Variants in CDH13 observed in about 807,000 individuals in gnomAD.
CDH13 encodes cadherin 13, also known as cadherin-13.
CDH13 carries 24 observed loss-of-function variants against 63.8 expected under a neutral mutation model. The ratio of observed to expected loss-of-function variants is 0.38; its 90% confidence interval spans 0.27 to 0.53. CDH13 has a LOEUF of 0.53. Among genes scored for constraint, CDH13 ranks in the 20% least tolerant of loss-of-function variants. The pLI is 0.85. For synonymous variants in CDH13, 503 were observed against 355.3 expected (o/e 1.42, Z -4.67); for missense variants, 1,049 against 903.1 (o/e 1.16, Z -2.07).
chr16:83,600,080 T>C (rs941390948), intron 7 of CDH13, among the ~76,000 whole-genome samples: 9 of 152,138 alleles, frequency 5.9e-5, no homozygotes, highest in African/African-American at 2.2e-4. Flanking sequence ...CAAGCATCTA[T>C]ACCGAGAGAT....
intron 11 of CDH13, among the ~76,000 whole-genome samples, chr16:83,751,994 C>T (rs973280646): frequency 6.6e-6 from 1 of 152,190 alleles, no homozygotes; most frequent in South Asian, 2.1e-4. Context: ...AACAGAAAAG[C>T]TTTCCAAAAG....
At chr16:83,767,086 C>T (rs1157706425) in intron 11 of CDH13, among the ~76,000 whole-genome samples, 2 of 152,198 alleles carry the variant, frequency 1.3e-5, no homozygotes, top group African/African-American at 2.4e-5. Flanking sequence ...CATATACCAT[C>T]TCACTGTGGC....
chr16:83,141,497 TTTTG>T (rs768886071), intron 4 of CDH13, among the ~76,000 whole-genome samples: 21 of 152,306 alleles, frequency 1.4e-4, no homozygotes, highest in East Asian at 3.9e-4. Context: ...GAGGTTGATT[TTTTG>T]TTTGTTTGTT....
chr16:82,850,155 A>G (rs569933731), intron 1 of CDH13, among the ~76,000 whole-genome samples: 1 of 152,348 alleles, frequency 6.6e-6, no homozygotes, highest in South Asian at 2.1e-4. Context: ...ATGGATCAGG[A>G]CAAAATGAGT....
At chr16:83,249,820 C>T (rs547765733) in intron 5 of CDH13, among the ~76,000 whole-genome samples, 18 of 152,210 alleles carry the variant, frequency 1.2e-4, no homozygotes, top group Non-Finnish European at 1.8e-4. Flanking sequence ...GTTGGTGTTA[C>T]AGATCATTTA....
chr16:83,114,814 C>T (rs1052772118), intron 3 of CDH13, among the ~76,000 whole-genome samples: 4 of 152,168 alleles, frequency 2.6e-5, no homozygotes, highest in African/African-American at 9.7e-5. Context: ...CCAGGTACTT[C>T]AAAGCTGGCT....
At chr16:82,958,645 G>T (rs1254291785) in intron 2 of CDH13, among the ~76,000 whole-genome samples, 10 of 152,330 alleles carry the variant, frequency 6.6e-5, no homozygotes, top group African/African-American at 2.4e-4. Context: ...AGATAGCCAG[G>T]TCTGAAGCTC....
intron 4 of CDH13, among the ~76,000 whole-genome samples, chr16:83,158,565 T>C (rs1008355200): frequency 3.9e-5 from 6 of 152,174 alleles, no homozygotes; most frequent in African/African-American, 1.4e-4. Flanking sequence ...GAGCAGCCCA[T>C]CTACGGGCGC....
chr16:83,088,451 G>A (rs75145628), intron 3 of CDH13, among the ~76,000 whole-genome samples: 6 of 152,184 alleles, frequency 3.9e-5, no homozygotes, highest in African/African-American at 1.4e-4. Flanking sequence ...GTTGCCCACC[G>A]AACCACAGAA....
At chr16:82,754,371 A>G (rs962407590) in intron 1 of CDH13, among the ~76,000 whole-genome samples, 3 of 152,206 alleles carry the variant, frequency 2.0e-5, no homozygotes, top group East Asian at 1.9e-4. Flanking sequence ...GAATGCCACC[A>G]GGGAAAATTA....
At chr16:82,713,625 A>G (rs939608869) in intron 1 of CDH13, among the ~76,000 whole-genome samples, 4 of 152,162 alleles carry the variant, frequency 2.6e-5, no homozygotes, top group African/African-American at 9.7e-5. Flanking sequence ...TCTTGTACAT[A>G]GAATATTGTC....
chr16:82,959,973 T>A (rs28451622), intron 2 of CDH13, among the ~76,000 whole-genome samples: 47,050 of 152,038 alleles, frequency 0.31, 7,728 homozygotes, highest in East Asian at 0.57. Context: ...TTTTATTTTT[T>A]AAAAAAACAT....
chr16:83,116,380 C>A (rs149018244), intron 3 of CDH13, among the ~76,000 whole-genome samples: 140 of 152,250 alleles, frequency 9.2e-4, no homozygotes, highest in African/African-American at 3.3e-3. Context: ...AGGCCTCAGC[C>A]TTCCTGGGCA....
chr16:83,054,238 A>G lies in CDH13; in HGVS notation c.366+22020A>G, dbSNP rs143628262. ...TATCCTTGTTAAGTAACGCATGACT[A>G]TAGTATGCTTTTCCTATACATATGC... On this transcript the variant is annotated intron_variant, in intron 3 of 13. Transcript: ENST00000567109. Among the ~76,000 whole-genome samples the G allele has an allele frequency of 1.8e-3, 281 of 152,380 alleles. 1 individual carries two copies. The highest frequency in any genetic ancestry group is 0.014 in the Middle Eastern group (4 of 294).
At chr16:83,222,953 A>G (rs957331379) in intron 5 of CDH13, among the ~76,000 whole-genome samples, 2 of 152,052 alleles carry the variant, frequency 1.3e-5, no homozygotes, top group African/African-American at 4.8e-5. Context: ...GAGGCTTAGC[A>G]GCACCAATGG....
At chr16:83,629,903 C>G (rs867915959) in intron 8 of CDH13, among the ~76,000 whole-genome samples, 15 of 152,206 alleles carry the variant, frequency 9.9e-5, no homozygotes, top group South Asian at 2.1e-4. Context: ...TGAATCCATT[C>G]AGGTAGATGG....
intron 7 of CDH13, among the ~76,000 whole-genome samples, chr16:83,531,981 G>C (rs2075093410): frequency 6.6e-6 from 1 of 152,176 alleles, no homozygotes. Flanking sequence ...TGTTATGGGA[G>C]GCACCCGGTG....
At chr16:83,046,119 T>A (rs928580026) in intron 3 of CDH13, among the ~76,000 whole-genome samples, 5 of 152,182 alleles carry the variant, frequency 3.3e-5, no homozygotes, top group Admixed American at 6.5e-5. Flanking sequence ...TCATAGTTGA[T>A]GTTGTCTTTT....
At chr16:82,929,720 A>G (rs1290071228) in intron 2 of CDH13, among the ~76,000 whole-genome samples, 3 of 146,074 alleles carry the variant, frequency 2.1e-5, no homozygotes, top group Non-Finnish European at 4.5e-5. Context: ...AGAAGCCCTC[A>G]CAGACACCAA....
Sources: allele counts gnomAD v4.1 joint callset (sites outside exome capture counted in the v4.1 genomes callset), GRCh38; gene constraint gnomAD v4.1.1; transcripts MANE v1.5; gene names NCBI Gene and HGNC (gene_info 2026-07-23, HGNC 2026-07-21).